The following ZNF407 variants were observed in gnomAD, a reference collection of about 807,000 sequenced individuals.
ZNF407 encodes zinc finger protein 407.
Under a neutral mutation model 131.2 loss-of-function variants are expected in ZNF407, and 17 were observed. That is an observed-to-expected ratio of 0.13 (90% CI 0.09 to 0.19). ZNF407 has a LOEUF of 0.19. Ranked by LOEUF, ZNF407 falls within the 10% of genes least tolerant of loss-of-function variation. ZNF407 has a pLI of 1.00. For synonymous variants in ZNF407, 1,156 were observed against 1,062.0 expected (o/e 1.09, Z -1.72); for missense variants, 2,681 against 2,830.6 (o/e 0.95, Z 1.20).
intron 8 of ZNF407, among the ~76,000 whole-genome samples, chr18:75,003,849 G>A (rs933968275): frequency 6.6e-6 from 1 of 152,100 alleles, no homozygotes; most frequent in Non-Finnish European, 1.5e-5. Flanking sequence ...GGCTCTTAAG[G>A]GAAAGGGACC....
chr18:74,938,292 T>C (rs1225161191), intron 8 of ZNF407, among the ~76,000 whole-genome samples: 3 of 152,176 alleles, frequency 2.0e-5, no homozygotes, highest in Non-Finnish European at 4.4e-5. Flanking sequence ...TTTAGGGCCG[T>C]TATAGTAACC....
intron 8 of ZNF407, among the ~76,000 whole-genome samples, chr18:75,031,905 G>C (rs574436160): frequency 6.6e-6 from 1 of 152,298 alleles, no homozygotes; most frequent in East Asian, 1.9e-4. Flanking sequence ...TACAGCACTT[G>C]GCAATTTTTA....
At position 74,998,790 on chromosome 18, in the gene ZNF407, C is replaced by T. The variant is rs530823046; in HGVS notation, c.5429-64360C>T. On this transcript the variant is annotated intron_variant, in intron 8 of 8. Transcript: ENST00000299687. ...TCAACCATTGTGGAAGTCAGTGTGG[C>T]GATTCCTCAGGGATCTAGAACTAGA... 7.7e-3 allele frequency among the ~76,000 whole-genome samples: 681 copies of T among 88,998 alleles called. 16 individuals are homozygous for T. Among genetic ancestry groups the T allele is most frequent in the African/African-American group, 0.03 (615 of 20,706 alleles). 58.4% of individuals were successfully genotyped at this position (88,998 alleles called of 152,430 possible). A position where few individuals can be genotyped will look rare whatever the true frequency, so the allele number is the denominator to read the frequency against.
At position 75,009,306 on chromosome 18, in the gene ZNF407, T is replaced by C. The variant is rs868846689; in HGVS notation, c.5429-53844T>C. Among the ~76,000 whole-genome samples, 4 of 152,354 alleles carry C rather than the reference T, an allele frequency of 2.6e-5. No homozygotes were observed. The Middle Eastern group carries it at 0.014, about 518-fold the overall frequency. On this transcript the variant is annotated intron_variant, in intron 8 of 8. Transcript: ENST00000299687. Reference sequence around the variant, plus strand: ...TATTGACTTTTGTCTATTTTTCTTGTATCAAGCCACTGTACCCTGTCCTAT... The same window carrying C: ...TATTGACTTTTGTCTATTTTTCTTGCATCAAGCCACTGTACCCTGTCCTAT...
chr18:74,782,563 CTCTT>C (rs1410103190), intron 4 of ZNF407, among the ~76,000 whole-genome samples: 2 of 106,882 alleles, frequency 1.9e-5, no homozygotes, highest in African/African-American at 1.2e-4. Context: ...CCCTCCTCTT[CTCTT>C]CTCTTCTCTT....
chr18:74,958,781 A>G (rs1277931866), intron 8 of ZNF407, among the ~76,000 whole-genome samples: 2 of 152,230 alleles, frequency 1.3e-5, no homozygotes, highest in African/African-American at 2.4e-5. Context: ...GGCATGTGAC[A>G]GTAGGGTCTG....
chr18:74,905,239 A>G (rs2628117), intron 7 of ZNF407: 72,574 of 152,162 alleles, frequency 0.48, 19,511 homozygotes, highest in Non-Finnish European at 0.59. Flanking sequence ...CTTGTAACCT[A>G]TATACTTTCC....
chr18:75,034,300 GTTTT>G (rs71170337), intron 8 of ZNF407, among the ~76,000 whole-genome samples: 10 of 115,216 alleles, frequency 8.7e-5, no homozygotes, highest in South Asian at 3.1e-4. Flanking sequence ...TCTGTGTTGG[GTTTT>G]TTTTTTTTTT....
intron 7 of ZNF407, among the ~76,000 whole-genome samples, chr18:74,912,137 A>G (rs888086140): frequency 6.6e-6 from 1 of 152,196 alleles, no homozygotes. Context: ...TACTTATCCT[A>G]TAACATCTGT....
intron 8 of ZNF407, among the ~76,000 whole-genome samples, chr18:74,926,099 A>C (rs1435187481): frequency 6.6e-6 from 1 of 152,184 alleles, no homozygotes; most frequent in Non-Finnish European, 1.5e-5. Flanking sequence ...ATTTTTCTTA[A>C]GTGCTGCTAA....
At chr18:74,994,626 G>C (rs1972758019) in intron 8 of ZNF407, among the ~76,000 whole-genome samples, 1 of 152,242 alleles carries the variant, frequency 6.6e-6, no homozygotes, top group Admixed American at 6.5e-5. Flanking sequence ...CATCTGTGCA[G>C]AGAGCAGGGC....
chr18:74,631,900 G>T lies in ZNF407; in HGVS notation c.881G>T (p.Arg294Leu). The change falls in exon 2 of 9, where the codon CGT becomes CTT. Residue 294 changes from arginine (R) to leucine (L), a missense_variant. Physicochemically the swap from Arg to Leu is moderately radical, Grantham distance 102. This residue lies in a region of ZNF407 where 1,789 missense variants were observed against 1,748.7 expected (regional missense o/e 1.02). Transcript: ENST00000299687. ...LTKQPFPKKS[R>L]TMATKNVHSK... is the part of the protein sequence containing the mutation. ...AAACAACCTTTTCCTAAAAAATCAC[G>T]TACAATGGCAACAAAAAATGTTCAC... 1.2e-6 allele frequency: 2 copies of T among 1,613,788 alleles called. No homozygotes were observed. Among genetic ancestry groups the T allele is most frequent in the African/African-American group, 1.3e-5 (1 of 74,994 alleles).
intron 2 of ZNF407, among the ~76,000 whole-genome samples, chr18:74,636,866 A>G (rs1984486511): frequency 6.6e-6 from 1 of 152,250 alleles, no homozygotes; most frequent in Non-Finnish European, 1.5e-5. Context: ...CACTGTCAGT[A>G]TCTCTCTCAG....
chr18:74,941,179 A>C (rs1972094960), intron 8 of ZNF407, among the ~76,000 whole-genome samples: 2 of 152,188 alleles, frequency 1.3e-5, no homozygotes. Context: ...CAAAACTGAC[A>C]TCCAGTGGTT....
chr18:74,608,169 G>A (rs1470168573), intron 1 of ZNF407, among the ~76,000 whole-genome samples: 1 of 152,152 alleles, frequency 6.6e-6, no homozygotes, highest in African/African-American at 2.4e-5. Flanking sequence ...TTGTTCTCAT[G>A]TATCCATAAT....
At chr18:74,694,871 T>C (rs1309845690) in intron 3 of ZNF407, among the ~76,000 whole-genome samples, 1 of 152,204 alleles carries the variant, frequency 6.6e-6, no homozygotes. Context: ...TTTCATTTGA[T>C]AATCAAAAGT....
rs143651062 is a variant in ZNF407, at chr18:74,803,994, G to A, written c.4877+22492G>A. The A allele has an allele frequency of 5.4e-3, 8,379 of 1,551,776 alleles. 39 individuals carry two copies. Among genetic ancestry groups the A allele is most frequent in the Middle Eastern group, 9.7e-3 (58 of 5,994 alleles). On this transcript the variant is annotated intron_variant, in intron 4 of 8. Transcript: ENST00000299687. Reference sequence around the variant, plus strand: ...AGGTTGCATATCGAAAGATCGGGACGTTGCCAGGAATACAGAACAACAGGA... The same window carrying A: ...AGGTTGCATATCGAAAGATCGGGACATTGCCAGGAATACAGAACAACAGGA...
At chr18:75,036,386 T>G (rs1359767509) in intron 8 of ZNF407, among the ~76,000 whole-genome samples, 2 of 152,180 alleles carry the variant, frequency 1.3e-5, no homozygotes, top group Non-Finnish European at 2.9e-5. Flanking sequence ...GTGCCCTCAT[T>G]GGATGTCTCA....
At chr18:74,778,416 A>T (rs1410470451) in intron 3 of ZNF407, among the ~76,000 whole-genome samples, 1 of 152,194 alleles carries the variant, frequency 6.6e-6, no homozygotes, top group Non-Finnish European at 1.5e-5. Flanking sequence ...CCCCTTGCTG[A>T]CACTGTAAGA....
Sources: allele counts gnomAD v4.1 joint callset (sites outside exome capture counted in the v4.1 genomes callset), GRCh38; gene constraint gnomAD v4.1.1; regional missense constraint gnomAD v4.1.1; transcripts MANE v1.5; gene names NCBI Gene and HGNC (gene_info 2026-07-23, HGNC 2026-07-21).